The following RNF128 variants were observed in gnomAD, a reference collection of about 807,000 sequenced individuals.
The protein encoded by RNF128 is E3 ubiquitin-protein ligase RNF128.
Under a neutral mutation model 26.2 loss-of-function variants are expected in RNF128, and 13 were observed. That is an observed-to-expected ratio of 0.50 (90% CI 0.32 to 0.79). RNF128 has a LOEUF of 0.79. RNF128 is among the 30% of genes least tolerant of loss of function. The probability of loss-of-function intolerance (pLI) is 0.03; values close to 1 mark genes in which losing one functional copy is unlikely to be tolerated. For synonymous variants in RNF128, 149 were observed against 142.5 expected (o/e 1.05, Z -0.32); for missense variants, 315 against 349.7 (o/e 0.90, Z 0.79).
chrX:106,759,020 T>C (rs1017970827), intron 1 of RNF128, among the ~76,000 whole-genome samples: 1 of 111,506 alleles, frequency 9.0e-6, no homozygotes, highest in Admixed American at 9.6e-5. Context: ...GGAGAAAATA[T>C]TTGCAAACTA....
Position 106,727,338 on chromosome X carries a change from G to A in RNF128, c.425G>A (p.Gly142Glu). Residue 142 changes from glycine to glutamate, a missense_variant, in exon 1 of 7, where the codon GGA becomes GAA. Physicochemically the swap from Gly to Glu is moderately conservative, Grantham distance 98. Transcript: ENST00000255499. ...IHLAYERGAS[G>E]AVIFNFPGTR... ...CTGGCTTATGAGAGAGGGGCGTCTGGAGCCGTCATCTTTAACTTCCCCGGG... is the reference window on the plus strand; with the variant it reads ...CTGGCTTATGAGAGAGGGGCGTCTGAAGCCGTCATCTTTAACTTCCCCGGG... The A allele has an allele frequency of 1.7e-6, 2 of 1,211,608 alleles. No individual in the cohort carries two copies. The highest frequency in any genetic ancestry group is 2.2e-6 in the Non-Finnish European group (2 of 895,449).
exon 1 of RNF128, chrX:106,693,947 C>T (rs182787428): frequency 1.9e-6 from 2 of 1,065,447 alleles, no homozygotes; most frequent in East Asian, 3.0e-5. Context: ...ACAATGGTGA[C>T]TGATAGTTGG....
At chrX:106,741,390 GCATCTGAA>G (rs1423359517) in intron 1 of RNF128, among the ~76,000 whole-genome samples, 1 of 111,380 alleles carries the variant, frequency 9.0e-6, no homozygotes, top group African/African-American at 3.3e-5. Context: ...ATGTGTACCA[GCATCTGAA>G]TGGAAGTTTG....
intron 1 of RNF128, among the ~76,000 whole-genome samples, chrX:106,736,677 A>G (rs972946669): frequency 1.1e-4 from 12 of 112,121 alleles, no homozygotes; most frequent in African/African-American, 3.9e-4. Flanking sequence ...ACCAGTATTC[A>G]TGATAAATTT....
intron 2 of RNF128, among the ~76,000 whole-genome samples, chrX:106,774,833 C>T (rs1478376286): frequency 1.8e-5 from 2 of 111,524 alleles, no homozygotes; most frequent in African/African-American, 6.5e-5. Context: ...TAAAGGCGAT[C>T]GATTTCTGGT....
intron 1 of RNF128, among the ~76,000 whole-genome samples, chrX:106,768,450 G>T (rs1385881729): frequency 1.2e-4 from 13 of 111,708 alleles, no homozygotes; most frequent in South Asian, 3.8e-4. Context: ...TTGGGAGGGT[G>T]TATGTGTCGA....
intron 1 of RNF128, among the ~76,000 whole-genome samples, chrX:106,752,858 G>T (rs1373265430): frequency 9.0e-6 from 1 of 111,342 alleles, no homozygotes; most frequent in Non-Finnish European, 1.9e-5. Context: ...TGAACAAAGA[G>T]ATTGAAATAC....
chrX:106,774,852 G>A (rs748101006), intron 2 of RNF128, among the ~76,000 whole-genome samples: 38 of 112,089 alleles, frequency 3.4e-4, no homozygotes, highest in African/African-American at 1.1e-3. Flanking sequence ...GTCACTTCAT[G>A]TACTCTTCCT....
chrX:106,758,422 G>A (rs1159090742), intron 1 of RNF128, among the ~76,000 whole-genome samples: 2 of 111,259 alleles, frequency 1.8e-5, no homozygotes, highest in African/African-American at 6.5e-5. Flanking sequence ...CACATAAATA[G>A]AAAAAATAAT....
chrX:106,788,077 T>C, intron 4 of RNF128, 77 bp downstream of exon 4: 1 of 518,977 alleles, frequency 1.9e-6, no homozygotes. Flanking sequence ...AAAACTATTT[T>C]GAATATTTCC....
intron 2 of RNF128, among the ~76,000 whole-genome samples, chrX:106,774,257 A>G (rs182027307): frequency 8.9e-6 from 1 of 112,095 alleles, no homozygotes; most frequent in East Asian, 2.8e-4. Context: ...GCAATCAATA[A>G]TACTTCCACA....
In RNF128 at chrX:106,796,694, T is replaced by C. The variant is rs1930924287; in HGVS notation, c.*981T>C. On this transcript the variant is annotated 3_prime_UTR_variant, in exon 7 of 7. Transcript: ENST00000255499. Reference sequence around the variant, plus strand: ...ATTTTGTGAATGCATTTTCCTGGTGTTTGAAAAAGAAGGGGGGGAGAATTC... The same window carrying C: ...ATTTTGTGAATGCATTTTCCTGGTGCTTGAAAAAGAAGGGGGGGAGAATTC... 9.0e-6 allele frequency: 1 copy of C among 111,632 alleles called. No individual in the cohort carries two copies. The highest frequency in any genetic ancestry group is 3.3e-5 in the African/African-American group (1 of 30,675). The allele number at this position is 111,632 out of a possible 1,213,427, so 9.2% of individuals were successfully genotyped here. A position where few individuals can be genotyped will look rare whatever the true frequency, so the allele number is the denominator to read the frequency against.
intron 1 of RNF128, among the ~76,000 whole-genome samples, chrX:106,700,630 A>G (rs1178134158): frequency 8.9e-6 from 1 of 111,974 alleles, no homozygotes. Context: ...AACACTAACA[A>G]TATAACTAAA....
chrX:106,791,756 A>AATAT (rs1930829723), intron 6 of RNF128, among the ~76,000 whole-genome samples: 1 of 111,600 alleles, frequency 9.0e-6, no homozygotes, highest in Admixed American at 9.6e-5. Flanking sequence ...ACTAAAATTG[A>AATAT]ATATATCATT....
intron 1 of RNF128, among the ~76,000 whole-genome samples, chrX:106,702,633 T>C (rs1928978299): frequency 8.9e-6 from 1 of 112,276 alleles, no homozygotes; most frequent in African/African-American, 3.2e-5. Flanking sequence ...TATATCTGTT[T>C]CTGTCTAAAC....
chrX:106,753,732 C>T (rs1929944594), intron 1 of RNF128, among the ~76,000 whole-genome samples: 1 of 111,808 alleles, frequency 8.9e-6, no homozygotes, highest in African/African-American at 3.2e-5. Flanking sequence ...TAAGGACACA[C>T]ATAGACTGAA....
At chrX:106,704,034 G>A (rs1239574333) in intron 1 of RNF128, among the ~76,000 whole-genome samples, 2 of 109,993 alleles carry the variant, frequency 1.8e-5, no homozygotes, top group Non-Finnish European at 3.8e-5. Flanking sequence ...CGATAAATGT[G>A]TGAAAATTAC....
chrX:106,774,344 T>A (rs756299393), intron 2 of RNF128, among the ~76,000 whole-genome samples: 1 of 112,262 alleles, frequency 8.9e-6, no homozygotes, highest in East Asian at 2.8e-4. Context: ...ACTGTTCCTT[T>A]GCAAAGGCTA....
chrX:106,733,862 G>A (rs182615207), intron 1 of RNF128, among the ~76,000 whole-genome samples: 44 of 110,023 alleles, frequency 4.0e-4, no homozygotes, highest in Admixed American at 1.3e-3. Flanking sequence ...TAACACACCC[G>A]GCTAATTGTT....
Sources: gnomAD v4.1 joint callset for allele counts (sites outside exome capture counted in the v4.1 genomes callset) on GRCh38, gnomAD v4.1.1 for gene constraint, MANE v1.5 for transcripts, NCBI Gene and HGNC (gene_info 2026-07-23, HGNC 2026-07-21) for gene names.